The following OSBPL2 variants were observed in gnomAD, a reference collection of about 807,000 sequenced individuals.
OSBPL2 encodes the protein oxysterol binding protein like 2.
In OSBPL2, 18 loss-of-function variants were observed where a neutral mutation model predicts 58.4. That is an observed-to-expected ratio of 0.31 (90% CI 0.21 to 0.46). The LOEUF (loss-of-function observed/expected upper bound fraction) is 0.46, where lower values mean the gene tolerates loss of function less well. Among genes scored for constraint, OSBPL2 ranks in the 20% least tolerant of loss-of-function variants. OSBPL2 has a pLI of 1.00. For synonymous variants in OSBPL2, 221 were observed against 234.1 expected (o/e 0.94, Z 0.51); for missense variants, 461 against 616.5 (o/e 0.75, Z 2.67).
rs1982746855 is a variant in OSBPL2 at position 62,281,054 on chromosome 20, A to G, written c.675-4A>G. 3 of 1,607,862 alleles carry G rather than the reference A, an allele frequency of 1.9e-6. No homozygotes were observed. The highest frequency in any genetic ancestry group is 2.7e-5 in the African/African-American group (2 of 74,790). On this transcript the variant is annotated splice_polypyrimidine_tract_variant and splice_region_variant and intron_variant, in intron 7 of 13. Coordinates refer to ENST00000313733, the MANE Select transcript of OSBPL2 (RefSeq NM_144498.4). Reference sequence around the variant, plus strand: ...TCACTGCTTGTTTTCTGGTGTCTTCACAGACATAATGAAGCCTACACCTGG... The same window carrying G: ...TCACTGCTTGTTTTCTGGTGTCTTCGCAGACATAATGAAGCCTACACCTGG...
chr20:62,272,306 C>A, intron 5 of OSBPL2, 47 bp downstream of exon 5: 1 of 1,597,194 alleles, frequency 6.3e-7, no homozygotes. Context: ...AAAGTGATGC[C>A]CCTTGCATGT....
chr20:62,256,435 G>A (rs185974504), intron 2 of OSBPL2, among the ~76,000 whole-genome samples: 11 of 152,292 alleles, frequency 7.2e-5, no homozygotes, highest in Admixed American at 2.6e-4. Context: ...TAAGTCTCCC[G>A]AAGAGTTTCC....
intron 1 of OSBPL2, among the ~76,000 whole-genome samples, chr20:62,244,770 C>G (rs1326004755): frequency 1.3e-5 from 2 of 152,258 alleles, no homozygotes; most frequent in African/African-American, 2.4e-5. Context: ...TCGGGCCACA[C>G]TGGCCGCGAG....
At chr20:62,265,275 G>T (rs1981591011) in intron 4 of OSBPL2, among the ~76,000 whole-genome samples, 1 of 152,106 alleles carries the variant, frequency 6.6e-6, no homozygotes, top group Non-Finnish European at 1.5e-5. Context: ...GAACTCATGA[G>T]CATGTATTTT....
At chr20:62,265,195 G>T (rs931491222) in intron 4 of OSBPL2, among the ~76,000 whole-genome samples, 1 of 152,112 alleles carries the variant, frequency 6.6e-6, no homozygotes, top group Non-Finnish European at 1.5e-5. Context: ...AATTGGAATT[G>T]TTCTGTAAAG....
intron 9 of OSBPL2, 36 bp from the exon 10 acceptor site, chr20:62,284,010 C>CT (rs769539897): frequency 1.3e-6 from 2 of 1,597,394 alleles, no homozygotes; most frequent in South Asian, 2.2e-5. Context: ...TTTGTAATGA[C>CT]TAAGACTTGT....
chr20:62,263,771 A>G, intron 4 of OSBPL2, 80 bp downstream of exon 4: 1 of 1,321,286 alleles, frequency 7.6e-7, no homozygotes. Context: ...GTGGTTTAAG[A>G]AAATGCGCTC....
intron 1 of OSBPL2, among the ~76,000 whole-genome samples, chr20:62,246,727 C>A (rs564732770): frequency 1.3e-5 from 2 of 152,198 alleles, no homozygotes; most frequent in South Asian, 2.1e-4. Context: ...GCCCCTCCCC[C>A]TCAGTGCCAC....
At chr20:62,261,495 G>A (rs1353648759) in intron 3 of OSBPL2, among the ~76,000 whole-genome samples, 3 of 152,086 alleles carry the variant, frequency 2.0e-5, no homozygotes, top group African/African-American at 7.2e-5. Context: ...AGGCCCACAC[G>A]CCTGCTTGGT....
At chr20:62,247,424 G>A (rs1017918012) in intron 1 of OSBPL2, among the ~76,000 whole-genome samples, 2 of 152,182 alleles carry the variant, frequency 1.3e-5, no homozygotes, top group Non-Finnish European at 2.9e-5. Context: ...CCCCCACGCC[G>A]CAGCTGCCTC....
intron 12 of OSBPL2, 130 bp downstream of exon 12, chr20:62,289,460 C>A: frequency 9.0e-7 from 1 of 1,110,030 alleles, no homozygotes; most frequent in Non-Finnish European, 1.3e-6. Flanking sequence ...TCTCCCTAAA[C>A]AAACAGGCAG....
chr20:62,271,856 G>A (rs145290080), intron 4 of OSBPL2: 35 of 402,336 alleles, frequency 8.7e-5, no homozygotes, highest in East Asian at 5.1e-4. Flanking sequence ...GGAATGGGGC[G>A]GTGGGCTGGG....
At chr20:62,250,867 G>A (rs1270622794) in intron 1 of OSBPL2, among the ~76,000 whole-genome samples, 3 of 152,290 alleles carry the variant, frequency 2.0e-5, no homozygotes, top group East Asian at 3.9e-4. Flanking sequence ...CAAGGCTGCA[G>A]TGAGCGGCGA....
intron 4 of OSBPL2, among the ~76,000 whole-genome samples, chr20:62,268,049 A>AT (rs149417240): frequency 0.33 from 38,048 of 116,200 alleles, 7,039 homozygotes; most frequent in East Asian, 0.42. Flanking sequence ...TGCCCGGCTA[A>AT]TTTTTTTTTT....
intron 10 of OSBPL2, 113 bp from the exon 11 acceptor site, chr20:62,286,470 G>A: frequency 1.7e-6 from 2 of 1,197,252 alleles, no homozygotes; most frequent in Non-Finnish European, 2.4e-6. Context: ...AAAGGAGAAG[G>A]CTGCCTGGCT....
intron 4 of OSBPL2, among the ~76,000 whole-genome samples, chr20:62,270,010 C>T (rs1025688398): frequency 1.2e-4 from 19 of 152,244 alleles, no homozygotes; most frequent in Non-Finnish European, 1.8e-4. Context: ...TCCCTGCACT[C>T]GTCCTTGACC....
Position 62,288,728 on chromosome 20 carries a change from G to A in OSBPL2, c.1126-479G>A, listed in dbSNP as rs970772320. Among the ~76,000 whole-genome samples the A allele has an allele frequency of 6.6e-6, 1 of 152,176 alleles. No individual in the cohort carries two copies. Among genetic ancestry groups the A allele is most frequent in the African/African-American group, 2.4e-5 (1 of 41,422 alleles). On this transcript the variant is annotated intron_variant, in intron 11 of 13. Coordinates refer to ENST00000313733, the MANE Select transcript of OSBPL2 (RefSeq NM_144498.4). The surrounding 1 kb of genome is among the most constrained non-coding windows in gnomAD (Gnocchi z 4.8). ...GGCTCTGGGAGTCCTGGGCACGGGG[G>A]GACTGTCATACCCTAAGCATTCCAG...
At chr20:62,279,531 C>T (rs77256556) in intron 7 of OSBPL2, 192 bp downstream of exon 7, 15 of 598,390 alleles carry the variant, frequency 2.5e-5, no homozygotes, top group South Asian at 6.3e-5. Context: ...TGCGTCCTCA[C>T]GTCTGCAGTT....
At chr20:62,266,581 G>A (rs1414621469) in intron 4 of OSBPL2, among the ~76,000 whole-genome samples, 1 of 151,984 alleles carries the variant, frequency 6.6e-6, no homozygotes, top group Non-Finnish European at 1.5e-5. Context: ...GATTGGCTGT[G>A]GCTCGTTCTG....
Sources: allele counts gnomAD v4.1 joint callset (sites outside exome capture counted in the v4.1 genomes callset), GRCh38; gene constraint gnomAD v4.1.1; non-coding constraint Gnocchi (gnomAD v3.1); transcripts MANE v1.5; gene names NCBI Gene and HGNC (gene_info 2026-07-23, HGNC 2026-07-21).